PHACTR2: variants seen among roughly 807,000 people sequenced by gnomAD.
The protein encoded by PHACTR2 is chromosome 6 open reading frame 56.
A neutral mutation model predicts 76.0 loss-of-function variants in PHACTR2; 30 were observed. That is an observed-to-expected ratio of 0.39 (90% CI 0.30 to 0.54). The LOEUF is 0.54. Among genes scored for constraint, PHACTR2 ranks in the 20% least tolerant of loss-of-function variants. The pLI is 0.61. For missense variants in PHACTR2, 696 were observed against 781.1 expected (o/e 0.89, Z 1.30); for synonymous variants, 292 against 292.5 (o/e 1.00, Z 0.02).
At position 143,581,593 on chromosome 6, in the gene PHACTR2, C is replaced by T. The variant is rs13200147; in HGVS notation, c.217+44386C>T. On this transcript the variant is annotated intron_variant, in intron 1 of 11. Coordinates refer to the PHACTR2 transcript ENST00000367584. This position sits in a 1 kb window ranked among gnomAD's most constrained non-coding sequence, Gnocchi z 4.5. ...TATGTGTATTAATTATCTATTGCTG[C>T]ATGACAAATACGGATCACTCAAGTC... Among the ~76,000 whole-genome samples, 45,159 of 151,980 alleles carry T rather than the reference C, an allele frequency of 0.3. 6,800 individuals are homozygous for T. Among genetic ancestry groups the T allele is most frequent in the Middle Eastern group, 0.42 (123 of 294 alleles).
Position 143,665,514 on chromosome 6 carries a change from C to T in PHACTR2, c.14-46502C>T, listed in dbSNP as rs1250065466. On this transcript the variant is annotated intron_variant, in intron 1 of 11. Coordinates refer to the PHACTR2 transcript ENST00000305766. ...CTGTTGTGCTAGTTTTAAGTAATGGCAATTTGATCTTTTCAGTTGCTCAGA... is the reference window on the plus strand; with the variant it reads ...CTGTTGTGCTAGTTTTAAGTAATGGTAATTTGATCTTTTCAGTTGCTCAGA... Among the ~76,000 whole-genome samples, 3 of 152,332 alleles carry T rather than the reference C, an allele frequency of 2.0e-5. 1 individual carries two copies. The highest frequency in any genetic ancestry group is 7.2e-5 in the African/African-American group (3 of 41,578).
chr6:143,601,079 A>G (rs1002628158), intron 1 of PHACTR2, among the ~76,000 whole-genome samples: 15 of 152,242 alleles, frequency 9.9e-5, no homozygotes, highest in African/African-American at 2.9e-4. Context: ...TAATAGTACC[A>G]AACTCATTCT....
chr6:143,545,001 T>C (rs1477589595), intron 1 of PHACTR2, among the ~76,000 whole-genome samples: 1 of 151,820 alleles, frequency 6.6e-6, no homozygotes, highest in East Asian at 1.9e-4. Flanking sequence ...TGGAATGCAG[T>C]GGTGCCATCT....
intron 1 of PHACTR2, among the ~76,000 whole-genome samples, chr6:143,687,848 G>C (rs1270584563): frequency 6.6e-6 from 1 of 152,198 alleles, no homozygotes; most frequent in Non-Finnish European, 1.5e-5. Flanking sequence ...AAATCAGCCT[G>C]TTTTATGAGG....
intron 1 of PHACTR2, among the ~76,000 whole-genome samples, chr6:143,702,505 C>T (rs979878812): frequency 4.6e-5 from 7 of 152,160 alleles, no homozygotes; most frequent in Non-Finnish European, 8.8e-5. Context: ...CCAATGGAGA[C>T]AGCCTGGTAT....
rs139227116 is a variant in PHACTR2 at position 143,618,700 on chromosome 6, T to C, written c.13+10378T>C. On this transcript the variant is annotated intron_variant, in intron 1 of 11. Transcript: ENST00000305766. The surrounding 1 kb of genome is among the most constrained non-coding windows in gnomAD (Gnocchi z 5.2). ...GACCCTCTCACTTGCATGTCCCCTA[T>C]TGCCATATTGCAAAGCCTCCTCCTT... Among the ~76,000 whole-genome samples, 1 of 152,204 alleles carries C rather than the reference T, an allele frequency of 6.6e-6. No homozygotes were observed. The highest frequency in any genetic ancestry group is 1.9e-4 in the East Asian group (1 of 5,152).
rs948807205 is a variant in PHACTR2 at position 143,641,485 on chromosome 6, A to ATTTG, written c.13+33177_13+33180dup. ...GTGAAATAATACATTTCTGTTGTTG[A>ATTTG]TTTGTTTGTTTGTTTGTGTGTTTGT... On this transcript the variant is annotated intron_variant, in intron 1 of 11. Transcript: ENST00000305766. The surrounding 1 kb of genome is among the most constrained non-coding windows in gnomAD (Gnocchi z 5.8). Among the ~76,000 whole-genome samples the ATTTG allele has an allele frequency of 2.0e-5, 3 of 151,810 alleles. No individual in the cohort carries two copies. The highest frequency in any genetic ancestry group is 4.4e-5 in the Non-Finnish European group (3 of 67,944).
intron 1 of PHACTR2, among the ~76,000 whole-genome samples, chr6:143,588,243 G>A (rs9376767): frequency 0.7 from 106,839 of 152,008 alleles, 37,948 homozygotes; most frequent in Middle Eastern, 0.8. Context: ...AGTAACTCCA[G>A]TATGTTGTCA....
rs1284690485 is a variant in PHACTR2 at position 143,787,962 on chromosome 6, A to G, written c.1708-811A>G. Among the ~76,000 whole-genome samples the G allele has an allele frequency of 6.6e-6, 1 of 152,224 alleles. No individual in the cohort carries two copies. Among genetic ancestry groups the G allele is most frequent in the Non-Finnish European group, 1.5e-5 (1 of 68,028 alleles). ...ATGGGAGTGAACCTCCGTAGCAGAGAGTAGATAATGCCTGTTTACCAAGGG... is the reference window on the plus strand; with the variant it reads ...ATGGGAGTGAACCTCCGTAGCAGAGGGTAGATAATGCCTGTTTACCAAGGG... On this transcript the variant is annotated intron_variant, in intron 10 of 12. Transcript: ENST00000440869. This position sits in a 1 kb window ranked among gnomAD's most constrained non-coding sequence, Gnocchi z 4.6.
chr6:143,537,718 A>C lies in PHACTR2; in HGVS notation c.217+511A>C, dbSNP rs1781131085. On this transcript the variant is annotated intron_variant, in intron 1 of 11. Transcript: ENST00000367584. The surrounding 1 kb of genome is among the most constrained non-coding windows in gnomAD (Gnocchi z 4.4). ...TGCTGGTAAGAGGACCCGGGATATG[A>C]GTTTTTCCTCCTTGCAAAAACCCAT... Among the ~76,000 whole-genome samples, 1 of 152,102 alleles carries C rather than the reference A, an allele frequency of 6.6e-6. No homozygotes were observed. Among genetic ancestry groups the C allele is most frequent in the African/African-American group, 2.4e-5 (1 of 41,428 alleles).
chr6:143,812,007 C>T (rs917843199), intron 12 of PHACTR2, among the ~76,000 whole-genome samples: 1 of 152,136 alleles, frequency 6.6e-6, no homozygotes, highest in Non-Finnish European at 1.5e-5. Context: ...TAGCATGAGA[C>T]ATTGTCTCCT....
Position 143,772,423 on chromosome 6 carries a change from G to GGACGAA in PHACTR2, c.1407_1412dup (p.Glu472_Asp473dup), listed in dbSNP as rs1364327441. 1 of 1,613,958 alleles carries GGACGAA rather than the reference G, an allele frequency of 6.2e-7. No homozygotes were observed. The highest frequency in any genetic ancestry group is 8.5e-7 in the Non-Finnish European group (1 of 1,179,970). ...GGCCTATCTTGTACACCGATGATGA[G>GGACGAA]GACGAAGACGAAGATGAGGATGGCA... is the stretch of plus-strand genomic sequence containing the variant. On this transcript the variant is annotated inframe_insertion, in exon 7 of 13. Transcript: ENST00000440869. This position sits in a 1 kb window ranked among gnomAD's most constrained non-coding sequence, Gnocchi z 5.4.
intron 1 of PHACTR2, among the ~76,000 whole-genome samples, chr6:143,699,958 C>T (rs1777866027): frequency 6.6e-6 from 1 of 152,170 alleles, no homozygotes; most frequent in Non-Finnish European, 1.5e-5. Flanking sequence ...TTCCATAGTA[C>T]ATGCCTGCAG....
At chr6:143,758,623 G>A (rs1356403317) in intron 4 of PHACTR2, among the ~76,000 whole-genome samples, 1 of 152,148 alleles carries the variant, frequency 6.6e-6, no homozygotes, top group Non-Finnish European at 1.5e-5. Context: ...TAGTTGAGGA[G>A]ACAAGATATA....
At chr6:143,779,905 TTATATTATATTA>T (rs1775380170) in intron 9 of PHACTR2, among the ~76,000 whole-genome samples, 2 of 49,730 alleles carry the variant, frequency 4.0e-5, no homozygotes, top group Non-Finnish European at 9.4e-5. Flanking sequence ...CGTATTTATA[TTATATTATATTA>T]TATTATATTA....
chr6:143,798,753 A>G (rs187893835), intron 11 of PHACTR2, among the ~76,000 whole-genome samples: 5 of 152,284 alleles, frequency 3.3e-5, no homozygotes, highest in African/African-American at 9.6e-5. Context: ...ATCATGGTGG[A>G]TCAGCTTTTT....
chr6:143,539,070 C>G lies in PHACTR2; in HGVS notation c.217+1863C>G, dbSNP rs1781148519. Among the ~76,000 whole-genome samples, 1 of 152,118 alleles carries G rather than the reference C, an allele frequency of 6.6e-6. No homozygotes were observed. Among genetic ancestry groups the G allele is most frequent in the Non-Finnish European group, 1.5e-5 (1 of 68,030 alleles). On this transcript the variant is annotated intron_variant, in intron 1 of 11. Coordinates refer to the PHACTR2 transcript ENST00000367584. This position sits in a 1 kb window ranked among gnomAD's most constrained non-coding sequence, Gnocchi z 4.3. ...TGTAGACAAAGTATAGCTTGCATCG[C>G]CATTTTTCATTTTCATGGATGGAAA...
In PHACTR2 at chr6:143,757,378, G is replaced by T. The variant is rs1014361969; in HGVS notation, c.455-3023G>T. Among the ~76,000 whole-genome samples, 2 of 152,218 alleles carry T rather than the reference G, an allele frequency of 1.3e-5. No individual in the cohort carries two copies. The highest frequency in any genetic ancestry group is 2.9e-5 in the Non-Finnish European group (2 of 68,044). On this transcript the variant is annotated intron_variant, in intron 4 of 12. Coordinates refer to ENST00000440869, the MANE Select transcript of PHACTR2 (RefSeq NM_001100164.2). The surrounding 1 kb of genome is among the most constrained non-coding windows in gnomAD (Gnocchi z 4.2). ...GAGCTCACAGTGAGGGCCAACATTG[G>T]TTCTCAGAGGAAGATATTTATGAAC... is the stretch of plus-strand genomic sequence containing the variant.
chr6:143,699,993 T>C (rs1178437993), intron 1 of PHACTR2, among the ~76,000 whole-genome samples: 1 of 152,148 alleles, frequency 6.6e-6, no homozygotes, highest in African/African-American at 2.4e-5. Context: ...TTGGGGAGAT[T>C]GTCCGGGATA....
Sources: allele counts gnomAD v4.1 joint callset (sites outside exome capture counted in the v4.1 genomes callset), GRCh38; gene constraint gnomAD v4.1.1; non-coding constraint Gnocchi (gnomAD v3.1); transcripts MANE v1.5; gene names NCBI Gene and HGNC (gene_info 2026-07-23, HGNC 2026-07-21).